The following DPH6 variants were observed in gnomAD, a reference collection of about 807,000 sequenced individuals.
DPH6 encodes the protein diphthamine biosynthesis 6, also known as diphthine--ammonia ligase.
DPH6 carries 33 observed loss-of-function variants against 38.2 expected under a neutral mutation model. That is an observed-to-expected ratio of 0.86 (90% CI 0.65 to 1.15). DPH6 has a LOEUF of 1.15. Among genes scored for constraint, DPH6 ranks in the 50% most tolerant of loss-of-function variants. The probability of loss-of-function intolerance (pLI) is 0.00; values close to 1 mark genes in which losing one functional copy is unlikely to be tolerated. For synonymous variants in DPH6, 108 were observed against 103.0 expected (o/e 1.05, Z -0.30); for missense variants, 325 against 320.0 (o/e 1.02, Z -0.12).
chr15:35,399,603 A>G (rs2053191279), intron 6 of DPH6, among the ~76,000 whole-genome samples: 1 of 152,196 alleles, frequency 6.6e-6, no homozygotes, highest in Non-Finnish European at 1.5e-5. Context: ...TTCTAGGGGC[A>G]AAAAGAATAT....
chr15:35,158,149 C>T, the DPH6 span, among the ~76,000 whole-genome samples: 1 of 152,074 alleles, frequency 6.6e-6, no homozygotes, highest in Non-Finnish European at 1.5e-5. Flanking sequence ...TCTGTAGTGG[C>T]CAATTCTTTA....
chr15:35,543,958 G>T (rs1320398784), intron 1 of DPH6, among the ~76,000 whole-genome samples: 1 of 152,156 alleles, frequency 6.6e-6, no homozygotes, highest in African/African-American at 2.4e-5. Flanking sequence ...TTTCAAATAT[G>T]GTTTTAAGCA....
At chr15:35,503,173 C>T (rs1263648987) in intron 3 of DPH6, among the ~76,000 whole-genome samples, 1 of 151,694 alleles carries the variant, frequency 6.6e-6, no homozygotes, top group East Asian at 1.9e-4. Context: ...TCCTAGAATG[C>T]TTTATTTATA....
intron 5 of DPH6, among the ~76,000 whole-genome samples, chr15:35,415,834 C>A (rs2053428956): frequency 6.6e-6 from 1 of 151,924 alleles, no homozygotes; most frequent in Admixed American, 6.6e-5. Flanking sequence ...CAACCATTTT[C>A]CTGAGACATA....
chr15:35,513,739 T>C (rs1292145835), intron 3 of DPH6, among the ~76,000 whole-genome samples: 1 of 151,962 alleles, frequency 6.6e-6, no homozygotes, highest in African/African-American at 2.4e-5. Flanking sequence ...AGTTGACAGA[T>C]ACAGAGACTA....
the DPH6 span, chr15:35,169,576 G>C: frequency 1.3e-5 from 2 of 152,092 alleles, no homozygotes; most frequent in African/African-American, 4.8e-5. Context: ...AGACAGTAGA[G>C]CAGTGAAAAG....
intron 3 of DPH6, among the ~76,000 whole-genome samples, chr15:35,495,449 G>A (rs2054536647): frequency 6.6e-6 from 1 of 152,156 alleles, no homozygotes; most frequent in Non-Finnish European, 1.5e-5. Flanking sequence ...GAGCCACTCA[G>A]TTTGTGGTAC....
intron 3 of DPH6, among the ~76,000 whole-genome samples, chr15:35,336,601 T>C (rs1249472325): frequency 6.6e-6 from 1 of 152,200 alleles, no homozygotes; most frequent in Non-Finnish European, 1.5e-5. Context: ...ATAGCTCTTA[T>C]TATTTTGAGA....
intron 3 of DPH6, among the ~76,000 whole-genome samples, chr15:35,502,142 C>G (rs546436012): frequency 6.6e-6 from 1 of 151,962 alleles, no homozygotes; most frequent in Admixed American, 6.6e-5. Flanking sequence ...TTCTGGACTT[C>G]TCTATATTTA....
intron 3 of DPH6, among the ~76,000 whole-genome samples, chr15:35,530,492 T>C (rs550557517): frequency 6.6e-6 from 1 of 152,226 alleles, no homozygotes; most frequent in Admixed American, 6.5e-5. Flanking sequence ...ATATAGGATA[T>C]AAAAATAAGT....
At chr15:35,430,914 C>A (rs1398030673) in intron 5 of DPH6, among the ~76,000 whole-genome samples, 2 of 151,884 alleles carry the variant, frequency 1.3e-5, no homozygotes, top group East Asian at 1.9e-4. Flanking sequence ...GCCAAAAGAC[C>A]CAAGATTTAC....
intron 5 of DPH6, among the ~76,000 whole-genome samples, chr15:35,417,517 TA>T (rs2053451590): frequency 1.4e-5 from 2 of 142,124 alleles, no homozygotes; most frequent in South Asian, 2.3e-4. Context: ...AGAAACATTT[TA>T]AAAAAAGTCA....
Position 35,381,953 on chromosome 15 carries a change from T to C in DPH6, c.568-37A>G, listed in dbSNP as rs1348055185. Reference sequence around the variant, plus strand: ...AAAACACAAAAAACAAGAAAGAAGTTTAAAATTAGACAGCATAAATGCTCT... The same window carrying C: ...AAAACACAAAAAACAAGAAAGAAGTCTAAAATTAGACAGCATAAATGCTCT... On this transcript the variant is annotated intron_variant, in intron 6 of 8. Transcript: ENST00000256538. The C allele has an allele frequency of 2.0e-6, 3 of 1,506,080 alleles. No homozygotes were observed. The Admixed American group carries it at 5.3e-5, about 27-fold the overall frequency. 93.3% of individuals were successfully genotyped at this position (1,506,080 alleles called of 1,614,324 possible).
the DPH6 span, among the ~76,000 whole-genome samples, chr15:35,183,542 A>C: frequency 6.6e-6 from 1 of 152,216 alleles, no homozygotes; most frequent in Non-Finnish European, 1.5e-5. Flanking sequence ...ATAATTACAG[A>C]TTATAAAGTC....
chr15:35,231,874 C>A (rs1353891175), intron 3 of DPH6, among the ~76,000 whole-genome samples: 1 of 152,084 alleles, frequency 6.6e-6, no homozygotes, highest in Non-Finnish European at 1.5e-5. Flanking sequence ...ATCTCATGAT[C>A]TCGCAGGAGC....
intron 1 of DPH6, among the ~76,000 whole-genome samples, chr15:35,542,884 T>C (rs1294296936): frequency 7.8e-6 from 1 of 128,668 alleles, no homozygotes; most frequent in Non-Finnish European, 1.6e-5. Context: ...AAGGAATATA[T>C]ATAATAATAT....
At chr15:35,158,708 T>C in the DPH6 span, among the ~76,000 whole-genome samples, 1 of 152,042 alleles carries the variant, frequency 6.6e-6, no homozygotes, top group Admixed American at 6.6e-5. Flanking sequence ...TAAGAAAAAA[T>C]TGAACGCCTA....
At chr15:35,324,117 T>C (rs1334288216) in intron 3 of DPH6, among the ~76,000 whole-genome samples, 1 of 152,144 alleles carries the variant, frequency 6.6e-6, no homozygotes, top group Non-Finnish European at 1.5e-5. Context: ...AAAATGGGGA[T>C]AATAATAGTA....
chr15:35,166,048 G>A, the DPH6 span, among the ~76,000 whole-genome samples: 1 of 151,898 alleles, frequency 6.6e-6, no homozygotes, highest in South Asian at 2.1e-4. Flanking sequence ...TGAAACTGAT[G>A]TGCTACACCA....
Sources: allele counts gnomAD v4.1 joint callset (sites outside exome capture counted in the v4.1 genomes callset), GRCh38; gene constraint gnomAD v4.1.1; transcripts MANE v1.5; gene names NCBI Gene and HGNC (gene_info 2026-07-23, HGNC 2026-07-21).